Variants in PSMC4 observed in about 807,000 individuals in gnomAD.
PSMC4 encodes proteasome 26S subunit, ATPase 4, also known as 26S proteasome regulatory subunit 6B.
PSMC4 carries 13 observed loss-of-function variants against 48.4 expected under a neutral mutation model. That is an observed-to-expected ratio of 0.27 (90% CI 0.18 to 0.43). The LOEUF (loss-of-function observed/expected upper bound fraction) is 0.43, where lower values mean the gene tolerates loss of function less well. Among genes scored for constraint, PSMC4 ranks in the 20% least tolerant of loss-of-function variants. The pLI, the probability that PSMC4 is intolerant of heterozygous loss-of-function variation, is 1.00. For synonymous variants in PSMC4, 202 were observed against 212.3 expected (o/e 0.95, Z 0.42); for missense variants, 262 against 555.9 (o/e 0.47, Z 5.32).
chr19:39,973,728 G>C (rs368176799), intron 3 of PSMC4, among the ~76,000 whole-genome samples: 14 of 151,864 alleles, frequency 9.2e-5, no homozygotes, highest in African/African-American at 3.4e-4. Context: ...GTTTTTTCTT[G>C]TTTCTGGGCT....
intron 6 of PSMC4, among the ~76,000 whole-genome samples, chr19:39,976,502 C>T (rs1307174605): frequency 7.0e-6 from 1 of 143,192 alleles, no homozygotes; most frequent in Non-Finnish European, 1.5e-5. Flanking sequence ...GACACAGATT[C>T]GTAAAGTTTC....
rs1262371255 is a variant in PSMC4, at chr19:39,976,848, T to A, written c.673+2020T>A. On this transcript the variant is annotated intron_variant, in intron 6 of 10. Transcript: ENST00000157812. ...AAACATGAGATTTTTTGTGTGTGAT[T>A]TTTTTTTTTTTTTTTTTTTGAGACA... Among the ~76,000 whole-genome samples the A allele has an allele frequency of 9.3e-3, 947 of 102,026 alleles. 4 individuals carry two copies. Among genetic ancestry groups the A allele is most frequent in the Non-Finnish European group, 0.012 (757 of 60,812 alleles). 66.9% of individuals were successfully genotyped at this position (102,026 alleles called of 152,430 possible). A position where few individuals can be genotyped will look rare whatever the true frequency, so the allele number is the denominator to read the frequency against.
intron 6 of PSMC4, among the ~76,000 whole-genome samples, chr19:39,978,390 C>T (rs747549591): frequency 1.3e-5 from 2 of 151,998 alleles, no homozygotes; most frequent in Admixed American, 1.3e-4. Context: ...GCAGAACAGC[C>T]AAGTAAATGG....
At position 39,979,743 on chromosome 19, in the gene PSMC4, C is replaced by A. The variant is rs528332091; in HGVS notation, c.674-74C>A. ...AGGAAAAGGATGTCTTCAAGGAATTCGCAGTTTCTGTTAAAGCAGAATGGG... is the reference window on the plus strand; with the variant it reads ...AGGAAAAGGATGTCTTCAAGGAATTAGCAGTTTCTGTTAAAGCAGAATGGG... On this transcript the variant is annotated intron_variant, in intron 6 of 10. Coordinates refer to ENST00000157812, the MANE Select transcript of PSMC4 (RefSeq NM_006503.4). 5.0e-6 allele frequency: 7 copies of A among 1,392,600 alleles called. 1 individual carries two copies. The East Asian group carries it at 1.5e-4, about 30-fold the overall frequency. The allele number at this position is 1,392,600 out of a possible 1,614,324, so 86.3% of individuals were successfully genotyped here.
chr19:39,980,065 C>T lies in PSMC4; in HGVS notation c.842-5C>T, dbSNP rs748632154. The T allele has an allele frequency of 5.7e-5, 92 of 1,614,066 alleles. 1 individual carries two copies. The South Asian group carries it at 9.6e-4, about 17-fold the overall frequency. On this transcript the variant is annotated splice_region_variant and splice_polypyrimidine_tract_variant and intron_variant, in intron 7 of 10. Coordinates refer to ENST00000157812, the MANE Select transcript of PSMC4 (RefSeq NM_006503.4). The surrounding 1 kb of genome is among the most constrained non-coding windows in gnomAD (Gnocchi z 4.8). ...CCTGGGACTGACTGTGCTGTGCACT[C>T]TCAGCCGACAGGGAGGTTCAGAGGA...
In PSMC4 at chr19:39,972,262, C is replaced by G; in HGVS notation, c.135+18C>G. ...GCTACAAGGTACATTCGACCCCCAACCCAGACCTTGCACAGGACCTGACAT... is the reference window on the plus strand; with the variant it reads ...GCTACAAGGTACATTCGACCCCCAAGCCAGACCTTGCACAGGACCTGACAT... On this transcript the variant is annotated intron_variant, in intron 2 of 10. Coordinates refer to ENST00000157812, the MANE Select transcript of PSMC4 (RefSeq NM_006503.4). The G allele has an allele frequency of 6.2e-7, 1 of 1,612,364 alleles. No individual in the cohort carries two copies. Among genetic ancestry groups the G allele is most frequent in the Non-Finnish European group, 8.5e-7 (1 of 1,178,640 alleles).
At position 39,980,784 on chromosome 19, in the gene PSMC4, C is replaced by A; in HGVS notation, c.1143+67C>A. 2 of 1,509,344 alleles carry A rather than the reference C, an allele frequency of 1.3e-6. No individual in the cohort carries two copies. Among genetic ancestry groups the A allele is most frequent in the South Asian group, 1.1e-5 (1 of 88,950 alleles). The allele number at this position is 1,509,344 out of a possible 1,614,324, so 93.5% of individuals were successfully genotyped here. A position where few individuals can be genotyped will look rare whatever the true frequency, so the allele number is the denominator to read the frequency against. On this transcript the variant is annotated intron_variant, in intron 10 of 10. Coordinates refer to ENST00000157812, the MANE Select transcript of PSMC4 (RefSeq NM_006503.4). This position sits in a 1 kb window ranked among gnomAD's most constrained non-coding sequence, Gnocchi z 4.8. ...GAGGACCCTTCTTCTCTGAACCACT[C>A]TGCTGCAGTCCTGTCCCCTCATGGC...
intron 6 of PSMC4, among the ~76,000 whole-genome samples, chr19:39,979,287 A>G (rs572478432): frequency 5.9e-5 from 9 of 152,228 alleles, no homozygotes; most frequent in African/African-American, 1.9e-4. Context: ...CTGGCTGGAC[A>G]TGGTGGCTCA....
Position 39,980,553 on chromosome 19 carries a change from G to A in PSMC4, c.1087+99G>A. On this transcript the variant is annotated intron_variant, in intron 9 of 10. Transcript: ENST00000157812. This position sits in a 1 kb window ranked among gnomAD's most constrained non-coding sequence, Gnocchi z 4.8. ...GCACCACAGCCCAGACTGTGCAGGT[G>A]GGACCAAGGTCCAGGGAGGAGGGGA... 6.3e-7 allele frequency: 1 copy of A among 1,586,188 alleles called. No homozygotes were observed. Among genetic ancestry groups the A allele is most frequent in the Admixed American group, 1.7e-5 (1 of 59,842 alleles).
At position 39,974,364 on chromosome 19, in the gene PSMC4, C is replaced by T. The variant is rs1309730612; in HGVS notation, c.393C>T (p.Ala131=). ...TGCTCAAGCCCAACGCCTCAGTGGC[C>T]CTCCACAAGCACAGCAATGCACTGG... ...RELLKPNASV[A]LHKHSNALVD... The change falls in exon 4 of 11, where the codon GCC becomes GCT. Residue 131 remains alanine (A), a synonymous_variant. Coordinates refer to ENST00000157812, the MANE Select transcript of PSMC4 (RefSeq NM_006503.4). The surrounding 1 kb of genome is among the most constrained non-coding windows in gnomAD (Gnocchi z 5.5). 3 of 1,614,148 alleles carry T rather than the reference C, an allele frequency of 1.9e-6. No individual in the cohort carries two copies. The highest frequency in any genetic ancestry group is 4.5e-5 in the East Asian group (2 of 44,874).
chr19:39,979,136 A>G (rs779814041), intron 6 of PSMC4, among the ~76,000 whole-genome samples: 2 of 152,230 alleles, frequency 1.3e-5, no homozygotes, highest in Non-Finnish European at 2.9e-5. Flanking sequence ...GCGAGGCAGT[A>G]TGATGTCTTA....
At chr19:39,971,776 A>G (rs1971105810) in intron 1 of PSMC4, among the ~76,000 whole-genome samples, 1 of 152,162 alleles carries the variant, frequency 6.6e-6, no homozygotes, top group East Asian at 1.9e-4. Flanking sequence ...AGGCGCAGTC[A>G]CTTTAACAGC....
intron 6 of PSMC4, among the ~76,000 whole-genome samples, chr19:39,976,571 C>T (rs900397611): frequency 4.8e-4 from 69 of 143,880 alleles, no homozygotes; most frequent in South Asian, 1.1e-3. Flanking sequence ...TGCAGTGGTG[C>T]GATCTCGGCT....
In PSMC4 at chr19:39,972,443, G is replaced by A; in HGVS notation, c.210G>A (p.Lys70=). The change falls in exon 3 of 11, where the codon AAG becomes AAA. Residue 70 remains lysine (K), a synonymous_variant. Coordinates refer to ENST00000157812, the MANE Select transcript of PSMC4 (RefSeq NM_006503.4). ...AAGATGAGCAAAAGAACCTGAAAAA[G>A]GAATTTCTCCATGCCCAGGAGGAGG... ...YIKDEQKNLK[K]EFLHAQEEVK... The A allele has an allele frequency of 6.2e-7, 1 of 1,614,130 alleles. No individual in the cohort carries two copies. Among genetic ancestry groups the A allele is most frequent in the Non-Finnish European group, 8.5e-7 (1 of 1,180,026 alleles).
In PSMC4 at chr19:39,974,776, A is replaced by C. The variant is rs771188471; in HGVS notation, c.621A>C (p.Pro207=). The C allele has an allele frequency of 6.2e-6, 10 of 1,614,118 alleles. No individual in the cohort carries two copies. In the South Asian group the frequency reaches 1.1e-4, roughly 18 times the overall value. Residue 207 remains proline, a synonymous_variant, in exon 6 of 11, where the codon CCA becomes CCC. Transcript: ENST00000157812. This position sits in a 1 kb window ranked among gnomAD's most constrained non-coding sequence, Gnocchi z 5.5. ...DPPRGVLMYG[P]PGCGKTMLAK... is the part of the protein sequence containing the mutation. Reference sequence around the variant, plus strand: ...CCCGAGGCGTCCTCATGTATGGCCCACCTGGCTGTGGGAAGACCATGTTGG... The same window carrying C: ...CCCGAGGCGTCCTCATGTATGGCCCCCCTGGCTGTGGGAAGACCATGTTGG...
chr19:39,978,321 C>T (rs1971237531), intron 6 of PSMC4, among the ~76,000 whole-genome samples: 1 of 152,074 alleles, frequency 6.6e-6, no homozygotes, highest in Non-Finnish European at 1.5e-5. Context: ...GACGGACAGG[C>T]TCGGTCAGAT....
chr19:39,972,374 G>A lies in PSMC4; in HGVS notation c.141G>A (p.Leu47=), dbSNP rs144527056. ...TGTCCCCTCTCTGCTCGCAGAAGCT[G>A]CAGCAAGAGCTGGAGTTCCTGGAGG... ...LEDLYSRYKK[L]QQELEFLEVQ... The change falls in exon 3 of 11, where the codon CTG becomes CTA. Residue 47 remains leucine, a synonymous_variant. Transcript: ENST00000157812. 2.5e-6 allele frequency: 4 copies of A among 1,613,612 alleles called. No individual in the cohort carries two copies. The African/African-American group carries it at 4.0e-5, about 16-fold the overall frequency.
chr19:39,981,007 A>AC (rs1318935579), intron 10 of PSMC4, among the ~76,000 whole-genome samples, 185 bp from the exon 11 acceptor site: 1 of 137,898 alleles, frequency 7.3e-6, no homozygotes, highest in Non-Finnish European at 1.5e-5. Context: ...ACAGGCGCCC[A>AC]CCACCAGTCT....
rs757607736 is a variant in PSMC4, at chr19:39,974,359, G to A, written c.388G>A (p.Val130Met). 6.2e-7 allele frequency: 1 copy of A among 1,614,044 alleles called. No individual in the cohort carries two copies. The highest frequency in any genetic ancestry group is 2.2e-5 in the East Asian group (1 of 44,892). ...DRELLKPNAS[V>M]ALHKHSNALV... ...GGAGCTGCTCAAGCCCAACGCCTCA[G>A]TGGCCCTCCACAAGCACAGCAATGC... The change falls in exon 4 of 11, where the codon GTG (valine) becomes ATG (methionine). Residue 130 changes from valine to methionine, a missense_variant. Physicochemically the swap from Val to Met is conservative, Grantham distance 21. Around this residue, in one of 4 missense-constraint regions of PSMC4, gnomAD observed 131 missense variants for 276.7 expected, o/e 0.47. Coordinates refer to ENST00000157812, the MANE Select transcript of PSMC4 (RefSeq NM_006503.4). The surrounding 1 kb of genome is among the most constrained non-coding windows in gnomAD (Gnocchi z 5.5).
Sources: gnomAD v4.1 joint callset for allele counts (sites outside exome capture counted in the v4.1 genomes callset) on GRCh38, gnomAD v4.1.1 for gene constraint, gnomAD v4.1.1 regional missense constraint, Gnocchi (gnomAD v3.1) non-coding constraint, MANE v1.5 for transcripts, NCBI Gene and HGNC (gene_info 2026-07-23, HGNC 2026-07-21) for gene names.